PRR35: variants seen among roughly 807,000 people sequenced by gnomAD.
The protein encoded by PRR35 is proline-rich protein 35.
Under a neutral mutation model 18.6 loss-of-function variants are expected in PRR35, and 14 were observed. That is an observed-to-expected ratio of 0.75 (90% confidence interval 0.50 to 1.18). The LOEUF (loss-of-function observed/expected upper bound fraction) is 1.18. Among genes scored for constraint, PRR35 ranks in the 50% most tolerant of loss-of-function variants. The pLI is 0.00. For missense variants in PRR35, 832 were observed against 792.2 expected (o/e 1.05, Z -0.60); for synonymous variants, 425 against 378.2 (o/e 1.12, Z -1.43).
Position 564,209 on chromosome 16 carries a change from A to G in PRR35, c.915A>G (p.Pro305=). The change falls in exon 2 of 3, where the codon CCA becomes CCG. Residue 305 remains proline, a synonymous_variant. Coordinates refer to ENST00000409413, the MANE Select transcript of PRR35 (RefSeq NM_145270.3). The stretch of plus-strand genomic sequence containing the variant: ...CGGCTCCTGGCCTGCTGAAGGTGCC[A>G]GTTCCAGGGCTGGGGCCCTGGCCCC... ...GTPAPGLLKV[P]VPGLGPWPRV... 1 of 1,569,476 alleles carries G rather than the reference A, an allele frequency of 6.4e-7. No homozygotes were observed. The highest frequency in any genetic ancestry group is 2.3e-5 in the East Asian group (1 of 42,854).
At chr16:564,621 G>T (rs1239237553) in intron 2 of PRR35, 53 bp from the exon 3 acceptor site, 1 of 1,467,994 alleles carries the variant, frequency 6.8e-7, no homozygotes, top group East Asian at 2.5e-5. Flanking sequence ...AGGGGCAGGG[G>T]CCGGGGGCGC....
At position 563,275 on chromosome 16, in the gene PRR35, C is replaced by G; in HGVS notation, c.-20C>G. On this transcript the variant is annotated 5_prime_UTR_variant, in exon 2 of 3. Transcript: ENST00000409413. ...CTACAGGTGGCCATGGTGCCCGGCC[C>G]TGCCTCATAGCAGGCTGCCATGTCG... 6.3e-7 allele frequency: 1 copy of G among 1,587,238 alleles called. No homozygotes were observed. Among genetic ancestry groups the G allele is most frequent in the Non-Finnish European group, 8.5e-7 (1 of 1,169,820 alleles).
rs1329341805 is a variant in PRR35 at position 563,262 on chromosome 16, A to G, written c.-33A>G. 1 of 1,563,770 alleles carries G rather than the reference A, an allele frequency of 6.4e-7. No individual in the cohort carries two copies. ...ACTGTGGCCCCATCTACAGGTGGCC[A>G]TGGTGCCCGGCCCTGCCTCATAGCA... On this transcript the variant is annotated 5_prime_UTR_variant, in exon 2 of 3. An upstream start codon of the reference 5' UTR is lost. Coordinates refer to ENST00000409413, the MANE Select transcript of PRR35 (RefSeq NM_145270.3).
In PRR35 at chr16:563,519, G is replaced by A. The variant is rs766062816; in HGVS notation, c.225G>A (p.Ala75=). The A allele has an allele frequency of 1.9e-5, 31 of 1,611,754 alleles. No individual in the cohort carries two copies. The highest frequency in any genetic ancestry group is 4.5e-5 in the East Asian group (2 of 44,862). The change falls in exon 2 of 3, where the codon GCG becomes GCA. Residue 75 remains alanine, a synonymous_variant. Transcript: ENST00000409413. ...LSLLLDSPDW[A]CRRGSTTPRP... Reference sequence around the variant, plus strand: ...TGCTGCTAGACTCCCCAGACTGGGCGTGCCGCCGTGGCTCCACCACGCCTA... The same window carrying A: ...TGCTGCTAGACTCCCCAGACTGGGCATGCCGCCGTGGCTCCACCACGCCTA...
intron 1 of PRR35, among the ~76,000 whole-genome samples, chr16:561,021 C>A (rs1039327228): frequency 5.3e-5 from 8 of 150,852 alleles, no homozygotes; most frequent in East Asian, 1.9e-4. Context: ...GGTGCCTGTG[C>A]CCCCCGTGCC....
intron 1 of PRR35, among the ~76,000 whole-genome samples, chr16:562,422 A>C (rs1459940105): frequency 6.6e-6 from 1 of 150,548 alleles, no homozygotes; most frequent in East Asian, 1.9e-4. Flanking sequence ...ACACACACGC[A>C]TACACACGCA....
rs771064044 is a variant in PRR35, at chr16:565,277, C to T, written c.1686C>T (p.Gly562=). 5 of 1,544,294 alleles carry T rather than the reference C, an allele frequency of 3.2e-6. No individual in the cohort carries two copies. In the South Asian group the frequency reaches 6.2e-5, roughly 19 times the overall value. The change falls in exon 3 of 3, where the codon GGC becomes GGT. Residue 562 remains glycine (G), a synonymous_variant. Transcript: ENST00000409413. The part of the protein sequence containing the change: ...RSSQTPEAVC[G]LQSPQGAEV ...CCCAGACCCCTGAGGCTGTCTGTGG[C>T]CTGCAGAGCCCCCAGGGCGCCGAGG...
In PRR35 at chr16:563,275, C is replaced by T; in HGVS notation, c.-20C>T. The T allele has an allele frequency of 6.3e-7, 1 of 1,587,236 alleles. No homozygotes were observed. The highest frequency in any genetic ancestry group is 8.5e-7 in the Non-Finnish European group (1 of 1,169,818). The stretch of plus-strand genomic sequence containing the variant: ...CTACAGGTGGCCATGGTGCCCGGCC[C>T]TGCCTCATAGCAGGCTGCCATGTCG... On this transcript the variant is annotated 5_prime_UTR_variant, in exon 2 of 3. Coordinates refer to ENST00000409413, the MANE Select transcript of PRR35 (RefSeq NM_145270.3).
intron 1 of PRR35, 165 bp downstream of exon 1, chr16:560,826 G>C: frequency 6.2e-6 from 2 of 321,412 alleles, no homozygotes; most frequent in East Asian, 1.8e-4. Flanking sequence ...GGGAGGGAGG[G>C]CCGCCCTCAG....
chr16:562,411 G>T (rs1003611940), intron 1 of PRR35, among the ~76,000 whole-genome samples: 1 of 152,210 alleles, frequency 6.6e-6, no homozygotes, highest in Non-Finnish European at 1.5e-5. Flanking sequence ...GCCGCCTTTA[G>T]ACACACACGC....
At position 564,023 on chromosome 16, in the gene PRR35, G is replaced by T; in HGVS notation, c.729G>T (p.Leu243=). The T allele has an allele frequency of 6.3e-7, 1 of 1,586,050 alleles. No individual in the cohort carries two copies. The highest frequency in any genetic ancestry group is 2.3e-5 in the East Asian group (1 of 43,606). Residue 243 remains leucine, a synonymous_variant, in exon 2 of 3, where the codon CTG becomes CTT. Transcript: ENST00000409413. ...TCCTGGCCTCGGCCAGCCCCCTGCT[G>T]CCCCCGGCCACGGCCTTCCCAGCCG... ...VPFLASASPL[L]PPATAFPAVQ...
Position 565,451 on chromosome 16 carries a change from C to T in PRR35, c.*144C>T. Reference sequence around the variant, plus strand: ...CACGGGCCGTGGCCAACGCTTGTCCCTGGGGCCACACAGGGACACTGGAGG... The same window carrying T: ...CACGGGCCGTGGCCAACGCTTGTCCTTGGGGCCACACAGGGACACTGGAGG... On this transcript the variant is annotated 3_prime_UTR_variant, in exon 3 of 3. Transcript: ENST00000409413. 1.2e-6 allele frequency: 1 copy of T among 825,686 alleles called. No homozygotes were observed. Among genetic ancestry groups the T allele is most frequent in the Non-Finnish European group, 1.7e-6 (1 of 581,974 alleles). The allele number at this position is 825,686 out of a possible 1,614,324, so 51.1% of individuals were successfully genotyped here. A position where few individuals can be genotyped will look rare whatever the true frequency, so the allele number is the denominator to read the frequency against.
intron 1 of PRR35, among the ~76,000 whole-genome samples, chr16:562,209 T>C (rs1405437012): frequency 6.6e-6 from 1 of 152,184 alleles, no homozygotes; most frequent in Non-Finnish European, 1.5e-5. Flanking sequence ...GGGTCTTGGC[T>C]GAGTGTGGCC....
intron 1 of PRR35, among the ~76,000 whole-genome samples, chr16:562,090 C>T (rs1163288651): frequency 1.3e-5 from 2 of 152,236 alleles, no homozygotes; most frequent in Non-Finnish European, 1.5e-5. Flanking sequence ...TGTGCGCAGG[C>T]GTGCTGTGCA....
In PRR35 at chr16:560,553, G is replaced by T; in HGVS notation, c.-148G>T. 1.0e-6 allele frequency: 1 copy of T among 983,080 alleles called. No individual in the cohort carries two copies. The highest frequency in any genetic ancestry group is 1.2e-6 in the Non-Finnish European group (1 of 828,978). The allele number at this position is 983,080 out of a possible 1,614,324, so 60.9% of individuals were successfully genotyped here. A position where few individuals can be genotyped will look rare whatever the true frequency, so the allele number is the denominator to read the frequency against. ...CGCATCCCACCCCCAGAGCCCCAGC[G>T]CGTCCGCGGGGTCCGAGTCGCGGCC... On this transcript the variant is annotated 5_prime_UTR_variant, in exon 1 of 3. Transcript: ENST00000409413.
At chr16:562,207 G>A (rs1468353047) in intron 1 of PRR35, among the ~76,000 whole-genome samples, 5 of 152,236 alleles carry the variant, frequency 3.3e-5, no homozygotes, top group Admixed American at 3.3e-4. Flanking sequence ...GCGGGTCTTG[G>A]CTGAGTGTGG....
At chr16:562,469 G>A (rs1474480218) in intron 1 of PRR35, among the ~76,000 whole-genome samples, 1 of 151,864 alleles carries the variant, frequency 6.6e-6, no homozygotes, top group African/African-American at 2.4e-5. Flanking sequence ...CACACACAAT[G>A]CACACACGTG....
chr16:562,587 A>T (rs2035456909), intron 1 of PRR35, among the ~76,000 whole-genome samples: 1 of 83,536 alleles, frequency 1.2e-5, no homozygotes, highest in South Asian at 6.4e-4. Flanking sequence ...GCACACATGC[A>T]CACACACAGA....
At chr16:562,521 G>A (rs1248113219) in intron 1 of PRR35, among the ~76,000 whole-genome samples, 1 of 121,968 alleles carries the variant, frequency 8.2e-6, no homozygotes, top group Non-Finnish European at 1.6e-5. Context: ...GCACACACAG[G>A]CGCACACACG....
Sources: gnomAD v4.1 joint callset for allele counts (sites outside exome capture counted in the v4.1 genomes callset) on GRCh38, gnomAD v4.1.1 for gene constraint, MANE v1.5 for transcripts, NCBI Gene and HGNC (gene_info 2026-07-23, HGNC 2026-07-21) for gene names.